FRMPD4: variants seen among roughly 807,000 people sequenced by gnomAD.
FRMPD4 encodes the protein FERM and PDZ domain-containing protein 4.
A neutral mutation model predicts 94.1 loss-of-function variants in FRMPD4; 22 were observed. The observed-to-expected ratio is 0.23, with a 90% confidence interval of 0.17 to 0.33. The LOEUF is 0.33. Among genes scored for constraint, FRMPD4 ranks in the 10% least tolerant of loss-of-function variants. The pLI is 1.00. For missense variants in FRMPD4, 1,111 were observed against 1,339.9 expected (o/e 0.83, Z 2.67); for synonymous variants, 631 against 548.6 (o/e 1.15, Z -2.10).
intron 8 of FRMPD4, among the ~76,000 whole-genome samples, chrX:12,691,112 G>A (rs769347728): frequency 1.3e-3 from 143 of 111,785 alleles, no homozygotes; most frequent in Admixed American, 2.1e-3. Context: ...AAAAGCTGGT[G>A]TCCCACACAT....
intron 1 of FRMPD4, among the ~76,000 whole-genome samples, chrX:11,841,305 C>A (rs1351903848): frequency 3.6e-5 from 4 of 110,671 alleles, no homozygotes; most frequent in African/African-American, 1.3e-4. Context: ...AGTTCTAGGT[C>A]CCTGAGGAAT....
upstream of FRMPD4, among the ~76,000 whole-genome samples, chrX:12,134,801 GA>G (rs371522592): frequency 2.7e-4 from 29 of 108,815 alleles, no homozygotes; most frequent in African/African-American, 9.8e-4. Context: ...CTTACAGGCT[GA>G]AACTTTTCCT....
At chrX:12,408,476 C>A (rs1447943479) in intron 1 of FRMPD4, among the ~76,000 whole-genome samples, 1 of 111,150 alleles carries the variant, frequency 9.0e-6, no homozygotes, top group Non-Finnish European at 1.9e-5. Flanking sequence ...CCTGGCTTCA[C>A]CTCAGCCCCA....
rs1240057290 is a variant in FRMPD4 at position 12,721,057 on chromosome X, G to A, written c.4488G>A (p.Trp1496Ter). The A allele has an allele frequency of 8.0e-6, 6 of 754,269 alleles. No homozygotes were observed. Among genetic ancestry groups the A allele is most frequent in the Non-Finnish European group, 7.8e-6 (5 of 638,589 alleles). The allele number at this position is 754,269 out of a possible 1,213,427, so 62.2% of individuals were successfully genotyped here. The change falls in exon 17 of 17, where the codon TGG (tryptophan) becomes TGA (stop). Residue 1496 changes from tryptophan to a stop codon, truncating the protein, a stop_gained. Coordinates refer to ENST00000675598, the MANE Select transcript of FRMPD4 (RefSeq NM_001368397.1). LOFTEE classifies it high-confidence loss of function. ...LPLRKLEGSN[W>*]RCRGPFSYCF... is the part of the protein sequence containing the mutation. ...TGCGGAAGCTGGAGGGCAGCAATTG[G>A]AGATGCCGGGGACCCTTCAGCTATT...
chrX:11,905,284 G>A (rs1347757202), intron 3 of FRMPD4, among the ~76,000 whole-genome samples: 1 of 111,477 alleles, frequency 9.0e-6, no homozygotes, highest in East Asian at 2.8e-4. Context: ...GTGATTCCCA[G>A]ATCTGCAGTA....
Position 12,724,504 on chromosome X carries a change from A to G in FRMPD4, c.*2646A>G, listed in dbSNP as rs1425001814. Reference sequence around the variant, plus strand: ...CATGTACATAATTTTAAATAAATAAATGAATGAATGAATAAATAAGCATAT... The same window carrying G: ...CATGTACATAATTTTAAATAAATAAGTGAATGAATGAATAAATAAGCATAT... On this transcript the variant is annotated 3_prime_UTR_variant, in exon 17 of 17. Transcript: ENST00000675598. 1 of 112,175 alleles carries G rather than the reference A, an allele frequency of 8.9e-6. No individual in the cohort carries two copies. The highest frequency in any genetic ancestry group is 1.9e-5 in the Non-Finnish European group (1 of 53,228). The allele number at this position is 112,175 out of a possible 1,213,427, so 9.2% of individuals were successfully genotyped here.
chrX:12,112,203 G>A (rs1323998205), intron 3 of FRMPD4, among the ~76,000 whole-genome samples: 1 of 112,064 alleles, frequency 8.9e-6, no homozygotes, highest in Non-Finnish European at 1.9e-5. Flanking sequence ...TTAAGAAAAT[G>A]TGGCACATAT....
At chrX:12,173,573 A>T (rs2056256353) in intron 1 of FRMPD4, among the ~76,000 whole-genome samples, 1 of 112,467 alleles carries the variant, frequency 8.9e-6, no homozygotes, top group Non-Finnish European at 1.9e-5. Flanking sequence ...ACTAAACCAC[A>T]TTCAACCTGG....
chrX:12,454,746 C>T (rs1391297086), intron 1 of FRMPD4, among the ~76,000 whole-genome samples: 1 of 109,477 alleles, frequency 9.1e-6, no homozygotes, highest in Non-Finnish European at 1.9e-5. Flanking sequence ...AGTGGGAAAC[C>T]TCGTTTTTTC....
rs374403583 is a variant in FRMPD4, at chrX:11,942,835, G to A, written c.95+64817G>A. Among the ~76,000 whole-genome samples the A allele has an allele frequency of 2.9e-4, 32 of 111,887 alleles. No homozygotes were observed. The East Asian group carries it at 7.8e-3, about 27-fold the overall frequency. On this transcript the variant is annotated intron_variant, in intron 3 of 18. Transcript: ENST00000640291. Reference sequence around the variant, plus strand: ...TTTCATCACTTCAAAAGGAAATCTTGTATCTATTAAGTTGTCACTCCCCAT... The same window carrying A: ...TTTCATCACTTCAAAAGGAAATCTTATATCTATTAAGTTGTCACTCCCCAT...
intron 3 of FRMPD4, among the ~76,000 whole-genome samples, chrX:12,114,624 C>T (rs143018877): frequency 0.049 from 5,436 of 111,426 alleles, 306 homozygotes; most frequent in African/African-American, 0.17. Context: ...TGGCATAAGC[C>T]CCTTATTTAC....
intron 1 of FRMPD4, among the ~76,000 whole-genome samples, chrX:11,848,042 A>C (rs949293161): frequency 3.0e-4 from 33 of 110,152 alleles, no homozygotes; most frequent in African/African-American, 1.1e-3. Context: ...TAATAATAAA[A>C]AAAATAAAAA....
intron 1 of FRMPD4, among the ~76,000 whole-genome samples, chrX:12,193,774 G>GAAAGAAAGAAAGAAAGAAA (rs748805072): frequency 0.046 from 1,122 of 24,615 alleles, 140 homozygotes; most frequent in South Asian, 0.13. Flanking sequence ...AAGAAAGAAA[G>GAAAGAAAGAAAGAAAGAAA]GAAGGAAGGA....
intron 2 of FRMPD4, among the ~76,000 whole-genome samples, chrX:12,568,712 G>A (rs915985710): frequency 4.5e-5 from 5 of 111,945 alleles, no homozygotes; most frequent in African/African-American, 1.3e-4. Context: ...TTCTCCTAAA[G>A]CATCTTTTAC....
At chrX:11,988,930 G>A (rs1449794006) in intron 3 of FRMPD4, among the ~76,000 whole-genome samples, 1 of 111,465 alleles carries the variant, frequency 9.0e-6, no homozygotes, top group Non-Finnish European at 1.9e-5. Flanking sequence ...AATTAAAATA[G>A]CTTTTATTGA....
chrX:12,461,816 C>G (rs1450227794), intron 1 of FRMPD4, among the ~76,000 whole-genome samples: 1 of 111,846 alleles, frequency 8.9e-6, no homozygotes, highest in East Asian at 2.8e-4. Flanking sequence ...AGTCTTCCTA[C>G]TGTATGACTT....
intron 1 of FRMPD4, among the ~76,000 whole-genome samples, chrX:12,444,069 C>T (rs1244513331): frequency 9.0e-6 from 1 of 111,002 alleles, no homozygotes; most frequent in Non-Finnish European, 1.9e-5. Context: ...GTATAGAACA[C>T]ATCCTAACTC....
intron 1 of FRMPD4, among the ~76,000 whole-genome samples, chrX:12,330,758 A>T (rs959648557): frequency 4.5e-5 from 5 of 110,899 alleles, no homozygotes; most frequent in African/African-American, 1.6e-4. Flanking sequence ...AACAATATTG[A>T]CACCCTCGTG....
At position 12,720,734 on chromosome X, in the gene FRMPD4, G is replaced by C. The variant is rs1000609985; in HGVS notation, c.4165G>C (p.Gly1389Arg). Residue 1389 changes from glycine (G) to arginine (R), a missense_variant, in exon 17 of 17, where the codon GGG becomes CGG. Gly to Arg is a moderately radical substitution (Grantham distance 125). Around this residue, in one of 8 missense-constraint regions of FRMPD4, gnomAD observed 551 missense variants for 591.6 expected, o/e 0.93. Transcript: ENST00000675598. ...AVSWRPPDLR[G>R]GSLRTPPSQK... ...GAGCTGGCGGCCACCGGATCTGAGAGGGGGGAGCCTCAGGACACCTCCCAG... is the reference window on the plus strand; with the variant it reads ...GAGCTGGCGGCCACCGGATCTGAGACGGGGGAGCCTCAGGACACCTCCCAG... The C allele has an allele frequency of 6.6e-6, 7 of 1,061,200 alleles. No individual in the cohort carries two copies. The highest frequency in any genetic ancestry group is 7.0e-5 in the East Asian group (2 of 28,580). 87.5% of individuals were successfully genotyped at this position (1,061,200 alleles called of 1,213,427 possible). A position where few individuals can be genotyped will look rare whatever the true frequency, so the allele number is the denominator to read the frequency against.
Sources: gnomAD v4.1 joint callset for allele counts (sites outside exome capture counted in the v4.1 genomes callset) on GRCh38, gnomAD v4.1.1 for gene constraint, gnomAD v4.1.1 regional missense constraint, MANE v1.5 for transcripts, NCBI Gene and HGNC (gene_info 2026-07-23, HGNC 2026-07-21) for gene names.